The following WRN variants were observed in gnomAD, a reference collection of about 807,000 sequenced individuals.
WRN encodes bifunctional 3'-5' exonuclease/ATP-dependent helicase WRN.
Under a neutral mutation model 180.7 loss-of-function variants are expected in WRN, and 149 were observed. The observed-to-expected ratio is 0.82, with a 90% CI of 0.72 to 0.94. The LOEUF is 0.94. WRN is among the 40% of genes least tolerant of loss of function. The pLI, the probability that WRN is intolerant of heterozygous loss-of-function variation, is 0.00. For synonymous variants in WRN, 548 were observed against 568.9 expected, an observed-to-expected ratio of 0.96 and a Z score of 0.52; for missense variants, 1,661 against 1,700.1, an observed-to-expected ratio of 0.98 and a Z score of 0.40.
intron 3 of WRN, among the ~76,000 whole-genome samples, chr8:31,063,244 A>G (rs1563328918): frequency 6.6e-6 from 1 of 152,206 alleles, no homozygotes; most frequent in African/African-American, 2.4e-5. Context: ...TGTACTCTGT[A>G]ACTTGTCTTT....
intron 21 of WRN, among the ~76,000 whole-genome samples, chr8:31,122,777 G>A (rs1385931988): frequency 6.6e-6 from 1 of 150,484 alleles, no homozygotes; most frequent in Non-Finnish European, 1.5e-5. Flanking sequence ...TGACACTGAC[G>A]AGATTAGTTA....
chr8:31,043,008 T>C (rs1811716050), intron 1 of WRN, among the ~76,000 whole-genome samples: 1 of 152,206 alleles, frequency 6.6e-6, no homozygotes, highest in Admixed American at 6.5e-5. Flanking sequence ...TTGCAAGTAA[T>C]GGAAAAACCA....
chr8:31,101,494 T>G (rs1041790878), intron 18 of WRN, among the ~76,000 whole-genome samples: 1 of 152,012 alleles, frequency 6.6e-6, no homozygotes, highest in Admixed American at 6.6e-5. Context: ...TTATAAAAAA[T>G]AGCAAATTTT....
At chr8:31,090,275 G>A (rs2130170121) in intron 13 of WRN, among the ~76,000 whole-genome samples, 190 bp from the exon 14 acceptor site, 1 of 151,286 alleles carries the variant, frequency 6.6e-6, no homozygotes, top group East Asian at 1.9e-4. Flanking sequence ...CCAAATGGTA[G>A]TTGTTAGTTA....
intron 18 of WRN, among the ~76,000 whole-genome samples, chr8:31,106,173 T>A (rs1299930583): frequency 6.6e-6 from 1 of 152,188 alleles, no homozygotes; most frequent in East Asian, 1.9e-4. Context: ...GGAAATCTCG[T>A]GAGGTCTTCA....
rs2553252 is a variant in WRN at position 31,174,974 on chromosome 8, C to T, written c.*1872C>T. Among the ~76,000 whole-genome samples the T allele has an allele frequency of 0.45, 67,236 of 150,610 alleles. 15,784 individuals are homozygous for T. Among genetic ancestry groups the T allele is most frequent in the Non-Finnish European group, 0.53 (35,722 of 67,772 alleles). ...TCAGTCCCCCAAAATAGTGGGATTA[C>T]AGGTGTGAGCCACCATGCACAGCCT... On this transcript the variant is annotated 3_prime_UTR_variant, in exon 35 of 35. Transcript: ENST00000298139.
chr8:31,101,706 G>C (rs1162145207), intron 18 of WRN, among the ~76,000 whole-genome samples: 1 of 143,700 alleles, frequency 7.0e-6, no homozygotes, highest in Non-Finnish European at 1.5e-5. Context: ...GGAATTGCTT[G>C]AACTCGGGAG....
rs1307793327 is a variant in WRN at position 31,067,136 on chromosome 8, T to A, written c.608T>A (p.Phe203Tyr). The A allele has an allele frequency of 1.2e-6, 2 of 1,613,820 alleles. No individual in the cohort carries two copies. The highest frequency in any genetic ancestry group is 2.7e-5 in the African/African-American group (2 of 74,918). ...KSIRCSNWSK[F>Y]PLTEDQKLYA... is the part of the protein sequence containing the mutation. Reference sequence around the variant, plus strand: ...ATCCGCTGTAGCAATTGGAGTAAATTTCCTCTCACTGAGGACCAGAAACTG... The same window carrying A: ...ATCCGCTGTAGCAATTGGAGTAAATATCCTCTCACTGAGGACCAGAAACTG... Residue 203 changes from phenylalanine to tyrosine, a missense_variant, in exon 6 of 35, where the codon TTT becomes TAT. Physicochemically the swap from Phe to Tyr is conservative, Grantham distance 22. Transcript: ENST00000298139.
At chr8:31,124,700 A>G (rs1379875125) in intron 22 of WRN, 77 bp downstream of exon 22, 1 of 1,403,868 alleles carries the variant, frequency 7.1e-7, no homozygotes, top group Non-Finnish European at 1.0e-6. Context: ...TGGCTAAATA[A>G]TTATCAGTAT....
At chr8:31,122,860 GTTTTT>G (rs71206298) in intron 21 of WRN, among the ~76,000 whole-genome samples, 28 of 69,482 alleles carry the variant, frequency 4.0e-4, no homozygotes, top group East Asian at 9.5e-4. Flanking sequence ...TTCTTTTCTT[GTTTTT>G]TTTTTTTTTT....
chr8:31,125,974 A>G (rs879358412), intron 23 of WRN, among the ~76,000 whole-genome samples: 4 of 6,166 alleles, frequency 6.5e-4, no homozygotes, highest in Admixed American at 6.1e-3. Context: ...CATCCTAAAT[A>G]TATATATATA....
intron 3 of WRN, among the ~76,000 whole-genome samples, chr8:31,062,690 G>A (rs2003645): frequency 0.019 from 2,893 of 152,130 alleles, 76 homozygotes; most frequent in African/African-American, 0.064. Flanking sequence ...TGGGATTACA[G>A]GCGTGAACCA....
chr8:31,172,742 T>C (rs1266650192), intron 34 of WRN, among the ~76,000 whole-genome samples: 1 of 152,220 alleles, frequency 6.6e-6, no homozygotes, highest in Admixed American at 6.5e-5. Context: ...ACTTACTGAA[T>C]GAGGTGTGTT....
Position 31,083,712 on chromosome 8 carries a change from A to G in WRN, c.1283A>G (p.Asn428Ser), listed in dbSNP as rs774668851. The change falls in exon 10 of 35, where the codon AAT (asparagine) becomes AGT (serine). Residue 428 changes from asparagine to serine, a missense_variant. This residue lies in a region of WRN where 500 missense variants were observed against 504.1 expected (regional missense o/e 0.99). Coordinates refer to ENST00000298139, the MANE Select transcript of WRN (RefSeq NM_000553.6). ...CTTTTTTTAAAGCATTTATCTCCCA[A>G]TGATAATGAAAACGATACGTCCTAT... The part of the protein sequence containing the change: ...AYKSTEHLSP[N>S]DNENDTSYVI... 6.2e-6 allele frequency: 10 copies of G among 1,611,848 alleles called. No individual in the cohort carries two copies. The highest frequency in any genetic ancestry group is 4.4e-5 in the South Asian group (4 of 91,020).
At chr8:31,083,615 C>T (rs1813406705) in intron 9 of WRN, 84 bp from the exon 10 acceptor site, 2 of 978,856 alleles carry the variant, frequency 2.0e-6, no homozygotes, top group Non-Finnish European at 3.2e-6. Context: ...CTAAAGATAT[C>T]TAGTATATAG....
At chr8:31,036,372 A>G (rs1811453109) in intron 1 of WRN, among the ~76,000 whole-genome samples, 1 of 152,194 alleles carries the variant, frequency 6.6e-6, no homozygotes, top group African/African-American at 2.4e-5. Flanking sequence ...TTTCCCTTGA[A>G]TATATACCCT....
chr8:31,105,829 C>T (rs1801074480), intron 18 of WRN, among the ~76,000 whole-genome samples: 1 of 152,166 alleles, frequency 6.6e-6, no homozygotes, highest in Non-Finnish European at 1.5e-5. Flanking sequence ...CTGATATCAG[C>T]AGTATATGAG....
At chr8:31,105,439 C>A (rs982934126) in intron 18 of WRN, among the ~76,000 whole-genome samples, 1 of 145,814 alleles carries the variant, frequency 6.9e-6, no homozygotes. Context: ...GTCATTTCAC[C>A]CAACATACAG....
intron 31 of WRN, among the ~76,000 whole-genome samples, chr8:31,153,687 T>G (rs978532498): frequency 2.0e-5 from 3 of 152,166 alleles, no homozygotes; most frequent in Non-Finnish European, 4.4e-5. Context: ...ATCATATATA[T>G]AGCATGTAAA....
Sources: allele counts gnomAD v4.1 joint callset (sites outside exome capture counted in the v4.1 genomes callset), GRCh38; gene constraint gnomAD v4.1.1; regional missense constraint gnomAD v4.1.1; transcripts MANE v1.5; gene names NCBI Gene and HGNC (gene_info 2026-07-23, HGNC 2026-07-21).